The following ZBTB7C variants were observed in gnomAD, a reference collection of about 807,000 sequenced individuals.
ZBTB7C encodes zinc finger and BTB domain-containing protein 7C.
Under a neutral mutation model 25.7 loss-of-function variants are expected in ZBTB7C, and 8 were observed. The observed-to-expected ratio is 0.31, with a 90% CI of 0.18 to 0.56. ZBTB7C has a LOEUF of 0.56. Ranked by LOEUF, ZBTB7C falls within the 20% of genes least tolerant of loss-of-function variation. The pLI is 0.91. For synonymous variants in ZBTB7C, 394 were observed against 369.0 expected (o/e 1.07, Z -0.78); for missense variants, 824 against 855.2 (o/e 0.96, Z 0.46).
intron 3 of ZBTB7C, among the ~76,000 whole-genome samples, chr18:48,106,468 G>C (rs2039032054): frequency 6.6e-6 from 1 of 152,150 alleles, no homozygotes; most frequent in African/African-American, 2.4e-5. Context: ...AAAGTTGGTA[G>C]AGAAGATGGT....
intron 2 of ZBTB7C, among the ~76,000 whole-genome samples, chr18:48,312,372 A>G (rs2045841965): frequency 6.6e-6 from 1 of 152,204 alleles, no homozygotes; most frequent in Non-Finnish European, 1.5e-5. Flanking sequence ...ACCCCACAGC[A>G]CTACGATGAG....
intron 2 of ZBTB7C, among the ~76,000 whole-genome samples, chr18:48,227,778 A>C (rs2043142505): frequency 6.6e-6 from 1 of 152,196 alleles, no homozygotes; most frequent in African/African-American, 2.4e-5. Context: ...TTGGGAAATT[A>C]AGAAAAGAAA....
intron 3 of ZBTB7C, among the ~76,000 whole-genome samples, chr18:48,114,986 C>T (rs540504853): frequency 1.3e-5 from 2 of 152,272 alleles, no homozygotes; most frequent in South Asian, 4.1e-4. Flanking sequence ...TTAATTAAAT[C>T]CACAGTGTTG....
Position 48,103,130 on chromosome 18 carries a change from A to ATCTATCTATCTG in ZBTB7C, c.-16-62008_-16-62007insCAGATAGATAGA, listed in dbSNP as rs1300062178. ...TTTTATATTATCTATCTATCTATCTATCTATCTATCTATCTATCTATCTAT... is the reference window on the plus strand; with the variant it reads ...TTTTATATTATCTATCTATCTATCTATCTATCTATCTGTCTATCTATCTATCTATCTATCTAT... On this transcript the variant is annotated intron_variant, in intron 3 of 4. Coordinates refer to ENST00000590800, the MANE Select transcript of ZBTB7C (RefSeq NM_001318841.2). Among the ~76,000 whole-genome samples the ATCTATCTATCTG allele has an allele frequency of 2.1e-3, 302 of 140,772 alleles. 12 individuals carry two copies. Among genetic ancestry groups the ATCTATCTATCTG allele is most frequent in the Middle Eastern group, 0.011 (3 of 264 alleles). 92.4% of individuals were successfully genotyped at this position (140,772 alleles called of 152,430 possible).
At chr18:48,210,171 G>C (rs544028698) in intron 2 of ZBTB7C, among the ~76,000 whole-genome samples, 8 of 152,296 alleles carry the variant, frequency 5.3e-5, no homozygotes, top group African/African-American at 1.9e-4. Context: ...CTAAGAACAA[G>C]TGTGGGCAAG....
chr18:48,216,703 CTG>C (rs2042832479), intron 2 of ZBTB7C, among the ~76,000 whole-genome samples: 1 of 150,274 alleles, frequency 6.7e-6, no homozygotes, highest in Admixed American at 6.6e-5. Flanking sequence ...AGCCCACACT[CTG>C]TGCATCCTGA....
intron 2 of ZBTB7C, among the ~76,000 whole-genome samples, chr18:48,202,685 A>AC: frequency 6.7e-6 from 1 of 148,410 alleles, no homozygotes; most frequent in East Asian, 2.1e-4. Context: ...CCCCCACCCC[A>AC]CCCCCGCCGC....
At position 48,212,273 on chromosome 18, in the gene ZBTB7C, T is replaced by G. The variant is rs144758873; in HGVS notation, c.-78-26278A>C. Among the ~76,000 whole-genome samples, 169 of 152,266 alleles carry G rather than the reference T, an allele frequency of 1.1e-3. 2 individuals are homozygous for G. The highest frequency in any genetic ancestry group is 3.8e-3 in the African/African-American group (159 of 41,530). ...CTATATGATCCTAACTATATGACAC[T>G]CTGGAAAAGACAGAACTAGGAGACA... On this transcript the variant is annotated intron_variant, in intron 2 of 4. Transcript: ENST00000590800.
At chr18:48,269,866 G>T (rs1314157628) in intron 2 of ZBTB7C, among the ~76,000 whole-genome samples, 1 of 152,128 alleles carries the variant, frequency 6.6e-6, no homozygotes, top group Admixed American at 6.5e-5. Flanking sequence ...CACACTGGAG[G>T]TTCATTAGCT....
intron 2 of ZBTB7C, among the ~76,000 whole-genome samples, chr18:48,200,651 T>TA (rs2145200020): frequency 6.6e-6 from 1 of 152,300 alleles, no homozygotes; most frequent in African/African-American, 2.4e-5. Context: ...TGGGTCCTTG[T>TA]ATTGAGAGCT....
chr18:48,029,376 C>A lies in ZBTB7C; in HGVS notation c.1744G>T (p.Val582Leu), dbSNP rs201399913. The change falls in exon 5 of 5, where the codon GTG becomes TTG. Residue 582 changes from valine to leucine, a missense_variant. Transcript: ENST00000590800. ...GLLAFALAEN[V>L]AAARPYFPLP... ...GGGAAGTAGGGCCGCGCCGCCGCCA[C>A]GTTCTCGGCCAGCGCGAAGGCCAGG... is the stretch of plus-strand genomic sequence containing the variant. 6.4e-7 allele frequency: 1 copy of A among 1,554,298 alleles called. No homozygotes were observed. The highest frequency in any genetic ancestry group is 1.8e-5 in the Admixed American group (1 of 54,682).
At chr18:48,070,267 T>G (rs2037494391) in intron 3 of ZBTB7C, among the ~76,000 whole-genome samples, 1 of 152,166 alleles carries the variant, frequency 6.6e-6, no homozygotes. Context: ...AGGAGTGAAA[T>G]GCTTTAGGCC....
chr18:48,236,185 TACA>T (rs2043373215), intron 2 of ZBTB7C, among the ~76,000 whole-genome samples: 1 of 152,238 alleles, frequency 6.6e-6, no homozygotes, highest in African/African-American at 2.4e-5. Context: ...TAAATATCTC[TACA>T]ACCAAATCTA....
chr18:48,349,976 A>G (rs2145033111), intron 1 of ZBTB7C, among the ~76,000 whole-genome samples: 1 of 152,342 alleles, frequency 6.6e-6, no homozygotes, highest in East Asian at 1.9e-4. Flanking sequence ...CAGCATTGAC[A>G]GTCTGCTGCA....
chr18:48,278,682 C>A (rs566901132), intron 2 of ZBTB7C, among the ~76,000 whole-genome samples: 1 of 152,272 alleles, frequency 6.6e-6, no homozygotes, highest in East Asian at 1.9e-4. Context: ...CCTGCCTCAG[C>A]CTCCCAAAGT....
At chr18:48,153,663 AG>A (rs1438430337) in intron 3 of ZBTB7C, among the ~76,000 whole-genome samples, 1 of 152,236 alleles carries the variant, frequency 6.6e-6, no homozygotes, top group Non-Finnish European at 1.5e-5. Context: ...CTTACAAAAG[AG>A]GGGCACTGGC....
intron 1 of ZBTB7C, among the ~76,000 whole-genome samples, chr18:48,380,453 C>T (rs536676035): frequency 1.8e-4 from 28 of 152,204 alleles, no homozygotes; most frequent in African/African-American, 6.3e-4. Context: ...TCGGAGACAT[C>T]GGTATGAACT....
intron 1 of ZBTB7C, among the ~76,000 whole-genome samples, chr18:48,365,847 C>G (rs923069345): frequency 2.6e-5 from 4 of 152,094 alleles, no homozygotes; most frequent in Admixed American, 1.3e-4. Context: ...CTGAAGTGAA[C>G]AGGGGCAGAA....
At chr18:48,104,284 C>A (rs898725474) in intron 3 of ZBTB7C, among the ~76,000 whole-genome samples, 4 of 152,088 alleles carry the variant, frequency 2.6e-5, no homozygotes, top group African/African-American at 9.7e-5. Flanking sequence ...TTAAAAAGAG[C>A]CTGGTACCTT....
Sources: allele counts gnomAD v4.1 joint callset (sites outside exome capture counted in the v4.1 genomes callset), GRCh38; gene constraint gnomAD v4.1.1; transcripts MANE v1.5; gene names NCBI Gene and HGNC (gene_info 2026-07-23, HGNC 2026-07-21).